Variants in CLYBL observed in about 807,000 individuals in gnomAD.
CLYBL encodes citramalyl-CoA lyase.
Under a neutral mutation model 38.9 loss-of-function variants are expected in CLYBL, and 31 were observed. The ratio of observed to expected loss-of-function variants is 0.80; its 90% confidence interval spans 0.60 to 1.08. CLYBL has a LOEUF of 1.08. CLYBL is among the 50% of genes least tolerant of loss of function. CLYBL has a pLI of 0.00. For synonymous variants in CLYBL, 171 were observed against 158.6 expected (o/e 1.08, Z -0.59); for missense variants, 434 against 411.6 (o/e 1.05, Z -0.47).
At chr13:99,654,195 C>A (rs1244630188) in intron 1 of CLYBL, among the ~76,000 whole-genome samples, 5 of 152,208 alleles carry the variant, frequency 3.3e-5, no homozygotes, top group African/African-American at 4.8e-5. Flanking sequence ...TGAATACACT[C>A]AGATGCAGGA....
chr13:99,674,610 C>A (rs1318971546), intron 1 of CLYBL, among the ~76,000 whole-genome samples: 1 of 152,086 alleles, frequency 6.6e-6, no homozygotes, highest in Non-Finnish European at 1.5e-5. Flanking sequence ...AGCAGTCACA[C>A]CCCGTTTCCC....
intron 1 of CLYBL, among the ~76,000 whole-genome samples, chr13:99,747,702 G>C (rs1440339608): frequency 6.6e-6 from 1 of 152,188 alleles, no homozygotes; most frequent in African/African-American, 2.4e-5. Context: ...GGGCTGTGTG[G>C]CCTCACAAGG....
chr13:99,748,429 GT>G (rs1165919560), intron 1 of CLYBL, among the ~76,000 whole-genome samples: 1,699 of 87,522 alleles, frequency 0.019, 19 homozygotes, highest in African/African-American at 0.04. Context: ...CTAGTTTTGT[GT>G]TTTTTTTTTT....
chr13:99,728,440 G>A (rs1037044148), intron 1 of CLYBL, among the ~76,000 whole-genome samples: 66 of 151,718 alleles, frequency 4.4e-4, no homozygotes, highest in African/African-American at 1.5e-3. Flanking sequence ...CACCACATCC[G>A]GCTAATTTTT....
intron 1 of CLYBL, among the ~76,000 whole-genome samples, chr13:99,754,682 TC>T (rs1460485799): frequency 1.3e-5 from 2 of 151,028 alleles, no homozygotes; most frequent in African/African-American, 4.9e-5. Context: ...CCTCCTGGGT[TC>T]AAGTGATTCT....
At chr13:99,876,665 C>T (rs1454351027) in intron 7 of CLYBL, among the ~76,000 whole-genome samples, 1 of 152,070 alleles carries the variant, frequency 6.6e-6, no homozygotes, top group Non-Finnish European at 1.5e-5. Context: ...TGACTTAATG[C>T]ACAGAAACCC....
At chr13:99,688,045 G>A (rs763540493) in intron 1 of CLYBL, among the ~76,000 whole-genome samples, 1 of 152,172 alleles carries the variant, frequency 6.6e-6, no homozygotes, top group Non-Finnish European at 1.5e-5. Context: ...AGAGAAACTT[G>A]TTAAAGACAG....
chr13:99,894,736 C>CGGGGGG (rs71114646), downstream of CLYBL: 3 of 24,294 alleles, frequency 1.2e-4, no homozygotes, highest in African/African-American at 4.3e-4. Context: ...TTGCCTGAGG[C>CGGGGGG]GGGGGGGGGG....
intron 1 of CLYBL, among the ~76,000 whole-genome samples, chr13:99,771,323 A>G (rs1457128834): frequency 6.6e-6 from 1 of 152,172 alleles, no homozygotes; most frequent in East Asian, 1.9e-4. Context: ...TTGGAATTAG[A>G]GGCGTGGGCC....
chr13:99,781,755 G>A (rs1157670101), intron 2 of CLYBL, among the ~76,000 whole-genome samples: 3 of 152,184 alleles, frequency 2.0e-5, no homozygotes, highest in Admixed American at 2.0e-4. Flanking sequence ...GAGGATTACA[G>A]GTGTGATCTA....
At chr13:99,763,816 G>A (rs1173825502) in intron 1 of CLYBL, among the ~76,000 whole-genome samples, 1 of 152,032 alleles carries the variant, frequency 6.6e-6, no homozygotes, top group East Asian at 1.9e-4. Context: ...GCCTCCCAAA[G>A]TGCTGGGATT....
downstream of CLYBL, chr13:99,894,439 G>A (rs151126350): frequency 2.0e-5 from 3 of 152,324 alleles, no homozygotes; most frequent in East Asian, 3.9e-4. Flanking sequence ...TATCACCCCC[G>A]TTATTAATTC....
At chr13:99,621,865 C>G (rs2046802981) in intron 1 of CLYBL, among the ~76,000 whole-genome samples, 1 of 152,130 alleles carries the variant, frequency 6.6e-6, no homozygotes, top group Non-Finnish European at 1.5e-5. Context: ...AAACTGGACA[C>G]CCTTGGTTAA....
chr13:99,679,515 A>G (rs1223784796), intron 1 of CLYBL, among the ~76,000 whole-genome samples: 2 of 151,908 alleles, frequency 1.3e-5, no homozygotes, highest in African/African-American at 4.8e-5. Context: ...TTTGTTTCCC[A>G]GTGTTACTCA....
intron 7 of CLYBL, among the ~76,000 whole-genome samples, chr13:99,889,863 A>C (rs190925156): frequency 4.5e-4 from 68 of 152,242 alleles, no homozygotes; most frequent in African/African-American, 1.5e-3. Flanking sequence ...GGGAATTGGT[A>C]CTTGTGAAAT....
chr13:99,807,859 C>T (rs913373211), intron 2 of CLYBL, among the ~76,000 whole-genome samples: 1 of 151,928 alleles, frequency 6.6e-6, no homozygotes, highest in Non-Finnish European at 1.5e-5. Flanking sequence ...TGGGCCTAAT[C>T]TAGGATATGA....
chr13:99,630,698 T>G (rs2046931220), intron 1 of CLYBL, among the ~76,000 whole-genome samples: 1 of 152,190 alleles, frequency 6.6e-6, no homozygotes, highest in Non-Finnish European at 1.5e-5. Context: ...TGCCCTGTAT[T>G]GTTGATCTTA....
chr13:99,831,951 C>T (rs538672154), intron 2 of CLYBL, among the ~76,000 whole-genome samples: 2 of 152,256 alleles, frequency 1.3e-5, no homozygotes, highest in East Asian at 3.9e-4. Context: ...GTCTTTTGGC[C>T]AGAATTTCTT....
intron 8 of CLYBL, among the ~76,000 whole-genome samples, chr13:99,903,729 T>C (rs984949683): frequency 5.3e-5 from 8 of 152,206 alleles, no homozygotes; most frequent in African/African-American, 1.7e-4. Flanking sequence ...GCAAGTTTAA[T>C]TTGTGGACTT....
Sources: gnomAD v4.1 joint callset for allele counts (sites outside exome capture counted in the v4.1 genomes callset) on GRCh38, gnomAD v4.1.1 for gene constraint, MANE v1.5 for transcripts, NCBI Gene and HGNC (gene_info 2026-07-23, HGNC 2026-07-21) for gene names.